Variants in TACC1 observed in about 807,000 individuals in gnomAD.
TACC1 encodes the protein transforming acidic coiled-coil containing protein 1, also known as transforming acidic coiled-coil-containing protein 1.
Under a neutral mutation model 84.4 loss-of-function variants are expected in TACC1, and 48 were observed. The ratio of observed to expected loss-of-function variants is 0.57; its 90% CI spans 0.45 to 0.72. The LOEUF is 0.72. Ranked by LOEUF, TACC1 falls within the 30% of genes least tolerant of loss-of-function variation. The pLI is 0.00. For missense variants in TACC1, 920 were observed against 973.0 expected, an observed-to-expected ratio of 0.95 and a Z score of 0.72; for synonymous variants, 372 against 376.3, an observed-to-expected ratio of 0.99 and a Z score of 0.13.
At chr8:38,843,126 C>T (rs889189163) in intron 10 of TACC1, among the ~76,000 whole-genome samples, 163 bp from the exon 11 acceptor site, 1 of 152,116 alleles carries the variant, frequency 6.6e-6, no homozygotes, top group Non-Finnish European at 1.5e-5. Context: ...AGAATTTCCT[C>T]AGTGAGAATT....
chr8:38,833,867 AC>A (rs1306578990), intron 6 of TACC1, among the ~76,000 whole-genome samples: 2 of 152,196 alleles, frequency 1.3e-5, no homozygotes, highest in Non-Finnish European at 2.9e-5. Flanking sequence ...GAAGAGACTG[AC>A]CCATGAAATG....
At chr8:38,755,452 C>T (rs1809818633) in intron 3 of TACC1, among the ~76,000 whole-genome samples, 1 of 151,934 alleles carries the variant, frequency 6.6e-6, no homozygotes, top group Non-Finnish European at 1.5e-5. Flanking sequence ...CCTGTAGTCC[C>T]AGTGCTTTGG....
rs80203810 is a variant in TACC1 at position 38,797,610 on chromosome 8, C to G, written c.277+8791C>G. Among the ~76,000 whole-genome samples the G allele has an allele frequency of 6.2e-3, 942 of 152,326 alleles. 2 individuals carry two copies. The highest frequency in any genetic ancestry group is 0.011 in the Non-Finnish European group (753 of 68,030). ...GGAGGCCCCTCTCTTGCTGAACATT[C>G]CTCCCTCTTCTTCTTTATCCAGCAT... On this transcript the variant is annotated intron_variant, in intron 2 of 12. Coordinates refer to ENST00000317827, the MANE Select transcript of TACC1 (RefSeq NM_006283.3).
intron 2 of TACC1, among the ~76,000 whole-genome samples, chr8:38,811,303 T>C (rs1563688375): frequency 6.6e-6 from 1 of 151,966 alleles, no homozygotes; most frequent in Non-Finnish European, 1.5e-5. Flanking sequence ...TGAATGGCAC[T>C]AGTCTTCTAG....
chr8:38,763,589 A>G (rs910160371), intron 3 of TACC1, among the ~76,000 whole-genome samples: 1 of 152,218 alleles, frequency 6.6e-6, no homozygotes, highest in Admixed American at 6.5e-5. Context: ...TAAACTACCC[A>G]TAATCTCATC....
chr8:38,842,138 C>A, intron 9 of TACC1, 149 bp from the exon 10 acceptor site: 1 of 850,580 alleles, frequency 1.2e-6, no homozygotes, highest in Non-Finnish European at 1.8e-6. Context: ...CTTGTTACCA[C>A]GCGTCTCCCC....
chr8:38,821,876 A>G (rs1384458940), intron 3 of TACC1, among the ~76,000 whole-genome samples: 1 of 152,146 alleles, frequency 6.6e-6, no homozygotes, highest in Non-Finnish European at 1.5e-5. Flanking sequence ...CACCTAGGCT[A>G]TATGGTACAG....
rs1832332595 is a variant in TACC1, at chr8:38,846,551, T to TA, written c.2229-148_2229-147insA. ...ATAAATTAAAATGGAATTATTTAGG[T>TA]CACCGATTTTTGTTTTTTTTCTCTC... On this transcript the variant is annotated intron_variant, in intron 11 of 12. Transcript: ENST00000317827. 4 of 842,038 alleles carry TA rather than the reference T, an allele frequency of 4.8e-6. No homozygotes were observed. In the East Asian group the frequency reaches 1.2e-4, roughly 25 times the overall value. 52.2% of individuals were successfully genotyped at this position (842,038 alleles called of 1,614,324 possible).
rs578081303 is a variant in TACC1 at position 38,828,824 on chromosome 8, A to G, written c.1660+1449A>G. Among the ~76,000 whole-genome samples, 4 of 152,316 alleles carry G rather than the reference A, an allele frequency of 2.6e-5. No individual in the cohort carries two copies. The South Asian group carries it at 8.3e-4, about 32-fold the overall frequency. On this transcript the variant is annotated intron_variant, in intron 5 of 12. Coordinates refer to ENST00000317827, the MANE Select transcript of TACC1 (RefSeq NM_006283.3). The stretch of plus-strand genomic sequence containing the variant: ...CTCATCATTAGTAAATGGTAGAACT[A>G]CATTTGACTCTAAGCAGTCTGGTTC...
chr8:38,768,406 A>C (rs1812699357), intron 3 of TACC1, among the ~76,000 whole-genome samples: 1 of 152,204 alleles, frequency 6.6e-6, no homozygotes. Flanking sequence ...TAGAAGTACA[A>C]ATGTTGAAGA....
At chr8:38,836,360 C>T in intron 7 of TACC1, 73 bp downstream of exon 7, 1 of 1,563,052 alleles carries the variant, frequency 6.4e-7, no homozygotes, top group Non-Finnish European at 8.7e-7. Flanking sequence ...AGGTAGATTG[C>T]ATCTCTGCTG....
intron 5 of TACC1, chr8:38,827,602 A>T: frequency 1.8e-6 from 1 of 571,118 alleles, no homozygotes; most frequent in Non-Finnish European, 3.1e-6. Context: ...GGAGATGCTG[A>T]TGTATGTGAG....
chr8:38,820,701 CT>C lies in TACC1; in HGVS notation c.1391+70del, dbSNP rs1297895094. 7 of 1,544,582 alleles carry C rather than the reference CT, an allele frequency of 4.5e-6. No homozygotes were observed. The African/African-American group carries it at 9.5e-5, about 21-fold the overall frequency. ...GTCTGTTGAGTTTGGCAGCCAGCTA[CT>C]TTTGGCTTTGGTGAACTGAATTTAC... On this transcript the variant is annotated intron_variant, in intron 3 of 12. Coordinates refer to ENST00000317827, the MANE Select transcript of TACC1 (RefSeq NM_006283.3).
intron 2 of TACC1, among the ~76,000 whole-genome samples, chr8:38,801,800 A>G (rs1821430449): frequency 6.6e-6 from 1 of 152,230 alleles, no homozygotes; most frequent in African/African-American, 2.4e-5. Context: ...TCTGTAAATA[A>G]ATTTGGGAAG....
intron 3 of TACC1, among the ~76,000 whole-genome samples, chr8:38,749,313 C>T (rs1023732611): frequency 1.3e-5 from 2 of 152,096 alleles, no homozygotes; most frequent in African/African-American, 2.4e-5. Context: ...GGTTTAGATG[C>T]TTCATTGATG....
chr8:38,811,643 T>G (rs549212807), intron 2 of TACC1, among the ~76,000 whole-genome samples: 14 of 152,358 alleles, frequency 9.2e-5, no homozygotes, highest in Admixed American at 7.2e-4. Flanking sequence ...ATGCCTGTCT[T>G]ACTTTAATCT....
intron 3 of TACC1, among the ~76,000 whole-genome samples, chr8:38,762,867 G>A (rs925330474): frequency 4.6e-5 from 7 of 152,112 alleles, no homozygotes; most frequent in Admixed American, 4.6e-4. Flanking sequence ...TGGCTCTTGT[G>A]AGCAATTCTG....
chr8:38,801,123 A>G (rs546340411), intron 2 of TACC1, among the ~76,000 whole-genome samples: 1 of 152,164 alleles, frequency 6.6e-6, no homozygotes, highest in East Asian at 1.9e-4. Flanking sequence ...TCACTAAGTT[A>G]TATATTCTAG....
chr8:38,769,334 A>G (rs1294390997), intron 3 of TACC1, among the ~76,000 whole-genome samples: 6 of 98,440 alleles, frequency 6.1e-5, no homozygotes, highest in Non-Finnish European at 9.7e-5. Flanking sequence ...TATGTGTGTA[A>G]CTAGGTGTGT....
Sources: gnomAD v4.1 joint callset for allele counts (sites outside exome capture counted in the v4.1 genomes callset) on GRCh38, gnomAD v4.1.1 for gene constraint, MANE v1.5 for transcripts, NCBI Gene and HGNC (gene_info 2026-07-23, HGNC 2026-07-21) for gene names.